The following ZFAND6 variants were observed in gnomAD, a reference collection of about 807,000 sequenced individuals.
ZFAND6 encodes AN1-type zinc finger protein 6.
ZFAND6 carries 12 observed loss-of-function variants against 24.5 expected under a neutral mutation model. That is an observed-to-expected ratio of 0.49 (90% CI 0.31 to 0.79). The LOEUF is 0.79. Ranked by LOEUF, ZFAND6 falls within the 30% of genes least tolerant of loss-of-function variation. The probability of loss-of-function intolerance (pLI) is 0.04; values close to 1 mark genes in which losing one functional copy is unlikely to be tolerated. For missense variants in ZFAND6, 207 were observed against 245.9 expected, an observed-to-expected ratio of 0.84 and a Z score of 1.06; for synonymous variants, 92 against 81.5, an observed-to-expected ratio of 1.13 and a Z score of -0.69.
chr15:80,065,826 TG>T (rs2036603276), intron 1 of ZFAND6, among the ~76,000 whole-genome samples: 1 of 152,090 alleles, frequency 6.6e-6, no homozygotes, highest in Non-Finnish European at 1.5e-5. Context: ...ATTACAGGCG[TG>T]ACCCACTGTG....
At chr15:80,135,895 G>A (rs1053202355) in intron 6 of ZFAND6, among the ~76,000 whole-genome samples, 3 of 152,234 alleles carry the variant, frequency 2.0e-5, no homozygotes, top group Non-Finnish European at 2.9e-5. Flanking sequence ...AGGCCAAGGT[G>A]GGAGGATCAC....
chr15:80,107,636 C>G (rs193094441), intron 2 of ZFAND6, among the ~76,000 whole-genome samples: 205 of 152,092 alleles, frequency 1.3e-3, no homozygotes, highest in African/African-American at 4.8e-3. Context: ...ACCAGTCTGG[C>G]CAACATGGTG....
At chr15:80,109,379 C>T (rs548620843) in intron 2 of ZFAND6, among the ~76,000 whole-genome samples, 88 of 152,154 alleles carry the variant, frequency 5.8e-4, no homozygotes, top group African/African-American at 1.6e-3. Context: ...AAAATAAAAC[C>T]GGAATTGATG....
At chr15:80,129,416 G>GCA (rs2040503070) in intron 5 of ZFAND6, among the ~76,000 whole-genome samples, 1 of 152,176 alleles carries the variant, frequency 6.6e-6, no homozygotes, top group Non-Finnish European at 1.5e-5. Context: ...AATGATGGTA[G>GCA]CATAAGCAGG....
At position 80,137,630 on chromosome 15, in the gene ZFAND6, C is replaced by G. The variant is rs766856369; in HGVS notation, c.*2C>G. 21 of 1,570,302 alleles carry G rather than the reference C, an allele frequency of 1.3e-5. No homozygotes were observed. The highest frequency in any genetic ancestry group is 1.6e-5 in the Non-Finnish European group (19 of 1,165,698). The stretch of plus-strand genomic sequence containing the variant: ...GGTGAAAAGATCCAAAAGATTTGAA[C>G]TCCTGCTGGAATACAAAATTCTTGA... On this transcript the variant is annotated 3_prime_UTR_variant, in exon 7 of 7. Transcript: ENST00000261749.
chr15:80,114,882 A>G (rs2039798446), intron 2 of ZFAND6: 1 of 152,232 alleles, frequency 6.6e-6, no homozygotes, highest in Non-Finnish European at 1.5e-5. Context: ...GTTAACATTG[A>G]ATAAATAAAT....
chr15:80,066,094 A>G (rs1392159637), intron 1 of ZFAND6, among the ~76,000 whole-genome samples: 5 of 152,302 alleles, frequency 3.3e-5, no homozygotes, highest in Non-Finnish European at 7.3e-5. Context: ...ACAACTATGT[A>G]CAAGACAAGG....
intron 5 of ZFAND6, among the ~76,000 whole-genome samples, chr15:80,128,396 A>G (rs986150356): frequency 1.3e-5 from 2 of 152,228 alleles, no homozygotes; most frequent in African/African-American, 4.8e-5. Context: ...AAACGCATAC[A>G]GGTAGGAAAA....
intron 2 of ZFAND6, among the ~76,000 whole-genome samples, chr15:80,108,210 T>G (rs1045884521): frequency 1.3e-5 from 2 of 152,138 alleles, no homozygotes; most frequent in African/African-American, 4.8e-5. Flanking sequence ...AGAAAAGATA[T>G]AAATTTAGAG....
intron 1 of ZFAND6, among the ~76,000 whole-genome samples, chr15:80,088,235 A>T (rs2038123152): frequency 6.6e-6 from 1 of 151,842 alleles, no homozygotes; most frequent in Non-Finnish European, 1.5e-5. Context: ...CTAACCCTCT[A>T]CCATTTTTCT....
At chr15:80,081,376 A>G (rs1053563566) in intron 1 of ZFAND6, among the ~76,000 whole-genome samples, 3 of 152,212 alleles carry the variant, frequency 2.0e-5, no homozygotes, top group Non-Finnish European at 4.4e-5. Context: ...TTCCTATCTG[A>G]TAAGTCAGTG....
At chr15:80,082,450 G>A (rs971803259) in intron 1 of ZFAND6, among the ~76,000 whole-genome samples, 1 of 152,202 alleles carries the variant, frequency 6.6e-6, no homozygotes, top group East Asian at 1.9e-4. Flanking sequence ...TTGAAATTGG[G>A]AAGGCTGATA....
At chr15:80,130,613 A>AAATGC (rs2040556499) in intron 5 of ZFAND6, 1 of 152,256 alleles carries the variant, frequency 6.6e-6, no homozygotes, top group Non-Finnish European at 1.5e-5. Flanking sequence ...TTCCATACAT[A>AAATGC]AATGCATCAA....
chr15:80,125,055 CT>C (rs1327792464), intron 5 of ZFAND6, among the ~76,000 whole-genome samples: 7 of 152,106 alleles, frequency 4.6e-5, no homozygotes, highest in African/African-American at 1.4e-4. Flanking sequence ...ATTCAAATAA[CT>C]TTTTTTCCAT....
intron 2 of ZFAND6, among the ~76,000 whole-genome samples, chr15:80,104,921 A>G (rs990812831): frequency 6.6e-6 from 1 of 152,152 alleles, no homozygotes; most frequent in African/African-American, 2.4e-5. Flanking sequence ...TTCTTTTCAG[A>G]GCAATTTAAA....
intron 1 of ZFAND6, among the ~76,000 whole-genome samples, chr15:80,095,303 G>A (rs2038653005): frequency 6.6e-6 from 1 of 152,176 alleles, no homozygotes; most frequent in Admixed American, 6.5e-5. Flanking sequence ...GGTTTTGGCA[G>A]GAATGTTACA....
chr15:80,079,421 C>T (rs1179393695), intron 1 of ZFAND6, among the ~76,000 whole-genome samples: 2 of 151,708 alleles, frequency 1.3e-5, no homozygotes, highest in Non-Finnish European at 2.9e-5. Context: ...GGGGTTTCAC[C>T]GTGTTAGCCA....
intron 1 of ZFAND6, among the ~76,000 whole-genome samples, chr15:80,081,605 C>G (rs1013787972): frequency 7.9e-5 from 12 of 152,228 alleles, no homozygotes; most frequent in African/African-American, 2.9e-4. Flanking sequence ...ACAGCTCAGC[C>G]TTTGCCTCAT....
chr15:80,062,196 A>G (rs1300516102), intron 1 of ZFAND6, among the ~76,000 whole-genome samples: 4 of 152,324 alleles, frequency 2.6e-5, no homozygotes, highest in Non-Finnish European at 2.9e-5. Context: ...TAGCATACTC[A>G]TGTAAAAGAA....
Sources: gnomAD v4.1 joint callset for allele counts (sites outside exome capture counted in the v4.1 genomes callset) on GRCh38, gnomAD v4.1.1 for gene constraint, MANE v1.5 for transcripts, NCBI Gene and HGNC (gene_info 2026-07-23, HGNC 2026-07-21) for gene names.